Variants in CYRIB observed in about 807,000 individuals in gnomAD.
CYRIB encodes the protein CYFIP-related Rac1 interactor B.
Under a neutral mutation model 44.2 loss-of-function variants are expected in CYRIB, and 8 were observed. That is an observed-to-expected ratio of 0.18 (90% CI 0.11 to 0.33). CYRIB has a LOEUF of 0.33. Among genes scored for constraint, CYRIB ranks in the 10% least tolerant of loss-of-function variants. The pLI is 1.00. For missense variants in CYRIB, 185 were observed against 382.8 expected (o/e 0.48, Z 4.31); for synonymous variants, 131 against 127.2 (o/e 1.03, Z -0.20).
At chr8:130,010,331 G>A (rs1481721920) in intron 1 of CYRIB, among the ~76,000 whole-genome samples, 1 of 152,168 alleles carries the variant, frequency 6.6e-6, no homozygotes, top group Non-Finnish European at 1.5e-5. Context: ...GCAGAGGGTG[G>A]CACTGTGGAG....
At chr8:129,944,611 C>T (rs111481600), upstream of CYRIB, among the ~76,000 whole-genome samples, 808 of 151,958 alleles carry the variant, frequency 5.3e-3, 2 homozygotes, top group Non-Finnish European at 8.7e-3. Context: ...GGTGAAACCC[C>T]GTCTCTACTA....
At chr8:129,961,066 C>T (rs2095234953) in intron 2 of CYRIB, among the ~76,000 whole-genome samples, 1 of 151,996 alleles carries the variant, frequency 6.6e-6, no homozygotes, top group Admixed American at 6.6e-5. Flanking sequence ...AAAGGAGGGT[C>T]AAGAGGAAGC....
intron 5 of CYRIB, among the ~76,000 whole-genome samples, chr8:129,858,570 CAA>C (rs1457081154): frequency 6.6e-6 from 1 of 152,220 alleles, no homozygotes; most frequent in East Asian, 1.9e-4. Flanking sequence ...TATCTACTCT[CAA>C]ACTCTCAGAA....
chr8:129,856,678 T>C (rs2131890216), intron 5 of CYRIB, among the ~76,000 whole-genome samples: 1 of 152,336 alleles, frequency 6.6e-6, no homozygotes, highest in Non-Finnish European at 1.5e-5. Flanking sequence ...AGTTTTCCTA[T>C]TTATGAAGAT....
At chr8:130,015,909 G>C (rs1396626785) in intron 1 of CYRIB, among the ~76,000 whole-genome samples, 1 of 152,184 alleles carries the variant, frequency 6.6e-6, no homozygotes, top group East Asian at 1.9e-4. Flanking sequence ...AATGCGACTG[G>C]TCTTCCAAGC....
intron 2 of CYRIB, among the ~76,000 whole-genome samples, chr8:129,898,403 T>C (rs553226817): frequency 1.8e-4 from 28 of 152,262 alleles, no homozygotes; most frequent in African/African-American, 6.7e-4. Flanking sequence ...AGTAAGTATG[T>C]TATGGATGGT....
chr8:129,858,962 C>T (rs963360127), intron 5 of CYRIB, among the ~76,000 whole-genome samples: 4 of 152,066 alleles, frequency 2.6e-5, no homozygotes, highest in South Asian at 2.1e-4. Flanking sequence ...TGTGCAGAGA[C>T]GAGAGAGTGT....
intron 1 of CYRIB, among the ~76,000 whole-genome samples, chr8:129,922,733 G>C (rs541177592): frequency 3.9e-5 from 6 of 152,014 alleles, no homozygotes; most frequent in African/African-American, 1.4e-4. Context: ...TATGGTGGCA[G>C]GTGCCTGTAG....
At chr8:130,009,360 C>G (rs1213343939) in intron 1 of CYRIB, among the ~76,000 whole-genome samples, 1 of 151,884 alleles carries the variant, frequency 6.6e-6, no homozygotes, top group Non-Finnish European at 1.5e-5. Context: ...CTCTGCCTCC[C>G]AGGTTCAAGC....
intron 1 of CYRIB, among the ~76,000 whole-genome samples, chr8:129,908,192 A>T (rs1363191042): frequency 6.6e-6 from 1 of 152,220 alleles, no homozygotes; most frequent in Non-Finnish European, 1.5e-5. Flanking sequence ...TAAAAAATTT[A>T]AAATGGAAAG....
intron 1 of CYRIB, among the ~76,000 whole-genome samples, chr8:129,992,058 G>A (rs1212768290): frequency 6.7e-6 from 1 of 150,104 alleles, no homozygotes; most frequent in African/African-American, 2.5e-5. Context: ...GTTCACGCCC[G>A]TAATCCCAGC....
chr8:129,948,297 T>C (rs1187946695), intron 2 of CYRIB, among the ~76,000 whole-genome samples: 1 of 152,204 alleles, frequency 6.6e-6, no homozygotes, highest in African/African-American at 2.4e-5. Flanking sequence ...TCCCAAGCCC[T>C]ACCCTCGAGG....
chr8:129,998,360 C>T (rs1258161174), intron 1 of CYRIB, among the ~76,000 whole-genome samples: 3 of 152,046 alleles, frequency 2.0e-5, no homozygotes, highest in East Asian at 3.9e-4. Context: ...ACATGAGTGG[C>T]AAAGATGTTG....
At chr8:129,911,357 G>C (rs2077907999) in intron 1 of CYRIB, among the ~76,000 whole-genome samples, 1 of 152,204 alleles carries the variant, frequency 6.6e-6, no homozygotes, top group Admixed American at 6.5e-5. Flanking sequence ...CAGAAATGAG[G>C]AAGGGAACAG....
chr8:129,998,937 T>C (rs1311107532), intron 1 of CYRIB, among the ~76,000 whole-genome samples: 5 of 152,210 alleles, frequency 3.3e-5, no homozygotes, highest in Non-Finnish European at 7.3e-5. Flanking sequence ...CAAGACATGG[T>C]GCTCGATCAA....
intron 4 of CYRIB, 121 bp downstream of exon 6, chr8:129,871,254 G>C: frequency 2.6e-6 from 3 of 1,144,042 alleles, no homozygotes; most frequent in Non-Finnish European, 3.6e-6. Context: ...TGCCAAGTGA[G>C]CATCCTTCAA....
At chr8:129,911,264 GCAAT>G (rs2077854568) in intron 1 of CYRIB, among the ~76,000 whole-genome samples, 1 of 152,128 alleles carries the variant, frequency 6.6e-6, no homozygotes, top group Admixed American at 6.5e-5. Flanking sequence ...TCATTGATGA[GCAAT>G]CAGAGGCTTT....
intron 1 of CYRIB, 147 bp from the exon 3 acceptor site, chr8:129,904,732 T>C (rs1295056476): frequency 1.3e-5 from 2 of 152,210 alleles, no homozygotes; most frequent in Non-Finnish European, 2.9e-5. Flanking sequence ...ACACCCCATA[T>C]TCCACCCAAA....
chr8:129,965,611 A>C (rs1446037161), intron 2 of CYRIB, among the ~76,000 whole-genome samples: 1 of 151,866 alleles, frequency 6.6e-6, no homozygotes, highest in Admixed American at 6.6e-5. Context: ...CCTGGCTAAC[A>C]CGGTGAAACC....
Sources: gnomAD v4.1 joint callset for allele counts (sites outside exome capture counted in the v4.1 genomes callset) on GRCh38, gnomAD v4.1.1 for gene constraint, MANE v1.5 for transcripts, NCBI Gene and HGNC (gene_info 2026-07-23, HGNC 2026-07-21) for gene names.